OTUD6B: variants seen among roughly 807,000 people sequenced by gnomAD.
OTUD6B encodes OTU deubiquitinase 6B, also known as deubiquitinase OTUD6B.
In OTUD6B, 41 loss-of-function variants were observed where a neutral mutation model predicts 36.9. That is an observed-to-expected ratio of 1.11 (90% confidence interval 0.87 to 1.44). OTUD6B has a LOEUF of 1.44. OTUD6B is among the 40% of genes most tolerant of loss of function. The probability of loss-of-function intolerance (pLI) is 0.00; values close to 1 mark genes in which losing one functional copy is unlikely to be tolerated. For missense variants in OTUD6B, 356 were observed against 344.8 expected (o/e 1.03, Z -0.26); for synonymous variants, 114 against 114.2 (o/e 1.00, Z 0.01).
At position 91,070,372 on chromosome 8, in the gene OTUD6B, G is replaced by A; in HGVS notation, c.-13G>A. 1 of 1,611,580 alleles carries A rather than the reference G, an allele frequency of 6.2e-7. No individual in the cohort carries two copies. The highest frequency in any genetic ancestry group is 1.1e-5 in the South Asian group (1 of 90,452). On this transcript the variant is annotated 5_prime_UTR_variant, in exon 1 of 7. Coordinates refer to ENST00000404789, the MANE Select transcript of OTUD6B (RefSeq NM_016023.5). The stretch of plus-strand genomic sequence containing the variant: ...GGTTTCTTCTAGCGCGTGTGCTGGG[G>A]TACCTGGTCGTCATGGAGGCGGTAT...
chr8:91,078,368 G>T lies in OTUD6B; in HGVS notation c.328G>T (p.Ala110Ser). 1 of 1,572,292 alleles carries T rather than the reference G, an allele frequency of 6.4e-7. No homozygotes were observed. Among genetic ancestry groups the T allele is most frequent in the Non-Finnish European group, 8.6e-7 (1 of 1,159,162 alleles). Residue 110 changes from alanine (A) to serine (S), a missense_variant, in exon 4 of 7, where the codon GCA (alanine) becomes TCA (serine). Physicochemically the swap from Ala to Ser is moderately conservative, Grantham distance 99 (BLOSUM62 1). Transcript: ENST00000404789. ...KAQKRREKKA[A>S]LEKEREERIA... ...CTGCTTTTCTTAGGAAAAGAAAGCT[G>T]CATTGGAAAAGGAGCGAGAAGAACG...
intron 5 of OTUD6B, among the ~76,000 whole-genome samples, chr8:91,081,759 T>C (rs1812912169): frequency 6.6e-6 from 1 of 152,190 alleles, no homozygotes; most frequent in Non-Finnish European, 1.5e-5. Flanking sequence ...CATTTGAAGA[T>C]GCAACATGAA....
Position 91,071,145 on chromosome 8 carries a change from T to G in OTUD6B, c.90T>G (p.Ile30Met), listed in dbSNP as rs932717362. ...ATTTTAATGGCTTTTCAGCCAAAAT[T>G]CAGGGCATGAAGAATGCTGTTCCCA... Reference protein sequence around the residue: ...RKEKKELQAKIQGMKNAVPKN... With the variant: ...RKEKKELQAKMQGMKNAVPKN... The change falls in exon 2 of 7, where the codon ATT becomes ATG. Residue 30 changes from isoleucine to methionine, a missense_variant. Ile to Met is a conservative substitution (Grantham distance 10, BLOSUM62 1). Coordinates refer to ENST00000404789, the MANE Select transcript of OTUD6B (RefSeq NM_016023.5). 2 of 1,611,984 alleles carry G rather than the reference T, an allele frequency of 1.2e-6. No individual in the cohort carries two copies. The highest frequency in any genetic ancestry group is 1.3e-5 in the African/African-American group (1 of 74,722).
In OTUD6B at chr8:91,085,536, A is replaced by G. The variant is rs912695421; in HGVS notation, c.*668A>G. 1.3e-5 allele frequency: 2 copies of G among 152,028 alleles called. No individual in the cohort carries two copies. The highest frequency in any genetic ancestry group is 4.8e-5 in the African/African-American group (2 of 41,466). 9.4% of individuals were successfully genotyped at this position (152,028 alleles called of 1,614,324 possible). A position where few individuals can be genotyped will look rare whatever the true frequency, so the allele number is the denominator to read the frequency against. Reference sequence around the variant, plus strand: ...TATTCTCTGTCAAATTTAAATCTCTAAAGAATTAGAGATTAGTTTTTTATT... The same window carrying G: ...TATTCTCTGTCAAATTTAAATCTCTGAAGAATTAGAGATTAGTTTTTTATT... On this transcript the variant is annotated 3_prime_UTR_variant, in exon 7 of 7. Coordinates refer to ENST00000404789, the MANE Select transcript of OTUD6B (RefSeq NM_016023.5).
intron 5 of OTUD6B, among the ~76,000 whole-genome samples, chr8:91,081,007 T>C (rs903920071): frequency 6.6e-6 from 1 of 152,140 alleles, no homozygotes; most frequent in Non-Finnish European, 1.5e-5. Context: ...CTTTTCATCG[T>C]GATAGTAGTA....
intron 1 of OTUD6B, 151 bp from the exon 2 acceptor site, chr8:91,070,987 C>A: frequency 3.2e-6 from 4 of 1,237,054 alleles, no homozygotes; most frequent in South Asian, 2.2e-5. Flanking sequence ...CTGGGATCTT[C>A]TCTCTCTGTA....
At chr8:91,078,238 G>A in intron 3 of OTUD6B, 118 bp from the exon 4 acceptor site, 1 of 1,440,894 alleles carries the variant, frequency 6.9e-7, no homozygotes, top group Non-Finnish European at 9.1e-7. Context: ...TAGTGTTTGT[G>A]CGAGAAGGGA....
chr8:91,070,963 G>C (rs1234015300), intron 1 of OTUD6B, 175 bp from the exon 2 acceptor site: 3 of 615,166 alleles, frequency 4.9e-6, no homozygotes, highest in Non-Finnish European at 6.0e-6. Flanking sequence ...TTTTTTTTTT[G>C]GTCTCAGCTT....
chr8:91,072,373 G>A (rs1046585019), intron 2 of OTUD6B, among the ~76,000 whole-genome samples: 2 of 152,212 alleles, frequency 1.3e-5, no homozygotes, highest in Admixed American at 1.3e-4. Context: ...ACTGAATTCT[G>A]TTACAGCTTT....
At chr8:91,080,648 A>T in intron 4 of OTUD6B, 21 bp from the exon 5 acceptor site, 1 of 1,584,514 alleles carries the variant, frequency 6.3e-7, no homozygotes, top group Non-Finnish European at 8.6e-7. Context: ...TAAGTGCTGT[A>T]TTCTGACCTA....
intron 3 of OTUD6B, among the ~76,000 whole-genome samples, chr8:91,076,964 C>T (rs1812813997): frequency 6.6e-6 from 1 of 152,102 alleles, no homozygotes; most frequent in African/African-American, 2.4e-5. Context: ...TAGCATGGCA[C>T]ATAACAGGCA....
intron 2 of OTUD6B, among the ~76,000 whole-genome samples, chr8:91,073,129 G>C (rs2130426951): frequency 6.6e-6 from 1 of 152,132 alleles, no homozygotes; most frequent in Non-Finnish European, 1.5e-5. Context: ...GCAGACTTCT[G>C]TCTCTGTGTA....
At chr8:91,078,103 A>T in intron 3 of OTUD6B, 1 of 253,682 alleles carries the variant, frequency 3.9e-6, no homozygotes, top group Non-Finnish European at 6.2e-6. Flanking sequence ...GCCTTTAAGT[A>T]GACTTTAAAG....
chr8:91,079,966 A>G (rs1226970623), intron 4 of OTUD6B, among the ~76,000 whole-genome samples: 2 of 152,112 alleles, frequency 1.3e-5, no homozygotes, highest in African/African-American at 4.8e-5. Context: ...GATGTCCATA[A>G]TTTCTTTCCT....
At chr8:91,070,505 A>G (rs1346883547) in intron 1 of OTUD6B, 39 bp downstream of exon 1, 1 of 1,547,606 alleles carries the variant, frequency 6.5e-7, no homozygotes, top group Admixed American at 2.0e-5. Context: ...AGCCGCCGCG[A>G]CTGGGGGAAG....
rs971400453 is a variant in OTUD6B at position 91,072,033 on chromosome 8, A to G, written c.234+744A>G. On this transcript the variant is annotated intron_variant, in intron 2 of 6. Transcript: ENST00000404789. ...GAACGTGAAGTCATTTTTGTTATAA[A>G]AGTGCTTTATTAACAAGTTGTAATG... Among the ~76,000 whole-genome samples, 9 of 152,314 alleles carry G rather than the reference A, an allele frequency of 5.9e-5. No individual in the cohort carries two copies. The East Asian group carries it at 1.7e-3, about 29-fold the overall frequency.
chr8:91,084,375 T>C (rs1259088210), intron 6 of OTUD6B, among the ~76,000 whole-genome samples: 1 of 152,202 alleles, frequency 6.6e-6, no homozygotes, highest in Non-Finnish European at 1.5e-5. Flanking sequence ...ACATTCATGT[T>C]GCCTGTTTAT....
chr8:91,070,939 G>A (rs1812682507), intron 1 of OTUD6B, 199 bp from the exon 2 acceptor site: 3 of 601,096 alleles, frequency 5.0e-6, no homozygotes, highest in Non-Finnish European at 6.3e-6. Flanking sequence ...TCAAGATTTT[G>A]TTAATGAAGT....
chr8:91,079,265 A>G (rs928224797), intron 4 of OTUD6B: 6 of 152,292 alleles, frequency 3.9e-5, no homozygotes, highest in East Asian at 3.9e-4. Flanking sequence ...TTGGGGTAGT[A>G]ATGAATGGAA....
Sources: gnomAD v4.1 joint callset for allele counts (sites outside exome capture counted in the v4.1 genomes callset) on GRCh38, gnomAD v4.1.1 for gene constraint, MANE v1.5 for transcripts, NCBI Gene and HGNC (gene_info 2026-07-23, HGNC 2026-07-21) for gene names.